Variants in ATP13A5 observed in about 807,000 individuals in gnomAD.
ATP13A5 encodes the protein ATPase 13A5, also known as probable cation-transporting ATPase 13A5.
Under a neutral mutation model 150.2 loss-of-function variants are expected in ATP13A5, and 149 were observed. The observed-to-expected ratio is 0.99, with a 90% CI of 0.87 to 1.14. The LOEUF (loss-of-function observed/expected upper bound fraction) is 1.14. Among genes scored for constraint, ATP13A5 ranks in the 50% most tolerant of loss-of-function variants. ATP13A5 has a pLI of 0.00. For missense variants in ATP13A5, 1,383 were observed against 1,449.3 expected (o/e 0.95, Z 0.74); for synonymous variants, 497 against 522.2 (o/e 0.95, Z 0.66).
chr3:193,344,515 C>T (rs1224558447), intron 8 of ATP13A5, among the ~76,000 whole-genome samples: 1 of 152,212 alleles, frequency 6.6e-6, no homozygotes, highest in Non-Finnish European at 1.5e-5. Context: ...TAGCTCAGAA[C>T]AGATGCCAAG....
intron 28 of ATP13A5, 42 bp downstream of exon 28, chr3:193,279,324 T>G (rs772368102): frequency 7.0e-7 from 1 of 1,430,580 alleles, no homozygotes; most frequent in Non-Finnish European, 9.9e-7. Context: ...ACATGGTCCA[T>G]GTACATGAGT....
chr3:193,373,873 G>A (rs1713539890), intron 1 of ATP13A5, among the ~76,000 whole-genome samples: 1 of 152,184 alleles, frequency 6.6e-6, no homozygotes, highest in Admixed American at 6.5e-5. Context: ...ATGCACCTTT[G>A]TCAGTTCTGT....
intron 23 of ATP13A5, among the ~76,000 whole-genome samples, chr3:193,302,596 G>C (rs1193738557): frequency 3.3e-5 from 5 of 152,154 alleles, no homozygotes; most frequent in Non-Finnish European, 7.4e-5. Flanking sequence ...ATTTATCTAC[G>C]CATTCTACAA....
chr3:193,295,465 T>G (rs1469795579), intron 25 of ATP13A5, among the ~76,000 whole-genome samples: 1 of 152,014 alleles, frequency 6.6e-6, no homozygotes, highest in Admixed American at 6.6e-5. Context: ...TCCCAAAGCA[T>G]CTGCTGTTTT....
chr3:193,359,185 T>C (rs998100797), intron 5 of ATP13A5, among the ~76,000 whole-genome samples: 1 of 152,188 alleles, frequency 6.6e-6, no homozygotes, highest in African/African-American at 2.4e-5. Flanking sequence ...GCAAAGCCCC[T>C]TTCCTCTCCT....
In ATP13A5 at chr3:193,364,235, G is replaced by A. The variant is rs2108580871; in HGVS notation, c.109C>T (p.Leu37Phe). 1.2e-6 allele frequency: 2 copies of A among 1,614,068 alleles called. No individual in the cohort carries two copies. Among genetic ancestry groups the A allele is most frequent in the East Asian group, 2.2e-5 (1 of 44,874 alleles). ...CCACAGGTCAGCACGGATGCGACAA[G>A]GCAGAAGGCTTTCCGTACATTGTGG... is the stretch of plus-strand genomic sequence containing the variant. ...RDHNVRKAFC[L>F]VASVLTCGGL... The change falls in exon 2 of 30, where the codon CTT becomes TTT. Residue 37 changes from leucine (L) to phenylalanine (F), a missense_variant. By Grantham distance (22) the Leu-to-Phe change is conservative. This residue lies in a region of ATP13A5 where 787 missense variants were observed against 771.9 expected (regional missense o/e 1.02). Coordinates refer to ENST00000342358, the MANE Select transcript of ATP13A5 (RefSeq NM_198505.4).
intron 2 of ATP13A5, 84 bp from the exon 3 acceptor site, chr3:193,363,466 A>G: frequency 7.6e-7 from 1 of 1,321,282 alleles, no homozygotes; most frequent in Non-Finnish European, 1.0e-6. Flanking sequence ...CAAGTGGTAC[A>G]AAACTTTGAC....
chr3:193,305,799 TGCTGTCCCTCCACCTGGA>T, intron 22 of ATP13A5, 131 bp from the exon 23 acceptor site: 1 of 705,984 alleles, frequency 1.4e-6, no homozygotes, highest in Non-Finnish European at 2.4e-6. Context: ...CTCTGTTTAA[TGCTGTCCCTCCACCTGGA>T]GTGCCCTCTC....
intron 1 of ATP13A5, among the ~76,000 whole-genome samples, chr3:193,376,468 T>A (rs1577379957): frequency 1.3e-5 from 2 of 152,288 alleles, no homozygotes; most frequent in East Asian, 3.9e-4. Context: ...CACCTTAGCC[T>A]CCCAAAGTGC....
intron 1 of ATP13A5, chr3:193,372,312 A>AAAAGC (rs57458521): frequency 1.4e-5 from 1 of 73,166 alleles, no homozygotes; most frequent in South Asian, 6.0e-4. Flanking sequence ...AAAAAAAAAA[A>AAAAGC]GGGGGAAGTT....
intron 17 of ATP13A5, among the ~76,000 whole-genome samples, chr3:193,318,732 C>A (rs543032244): frequency 4.3e-4 from 66 of 152,252 alleles, no homozygotes; most frequent in Admixed American, 1.1e-3. Context: ...TAGTGCCAAG[C>A]AGAGATAACA....
At chr3:193,362,282 C>A (rs1231149163) in intron 5 of ATP13A5, 99 bp downstream of exon 5, 10 of 1,058,390 alleles carry the variant, frequency 9.4e-6, no homozygotes, top group Non-Finnish European at 1.3e-5. Flanking sequence ...CTATAACAAG[C>A]TGATGAAGCA....
chr3:193,364,033 A>T, intron 2 of ATP13A5, 74 bp downstream of exon 2: 1 of 1,455,608 alleles, frequency 6.9e-7, no homozygotes, highest in Non-Finnish European at 9.5e-7. Flanking sequence ...AATACCAGCC[A>T]CAGAGTTATG....
chr3:193,332,572 G>A (rs2108873537), intron 11 of ATP13A5, among the ~76,000 whole-genome samples: 1 of 152,220 alleles, frequency 6.6e-6, no homozygotes, highest in East Asian at 1.9e-4. Context: ...TTTAAGTATT[G>A]GAAACATGGG....
At chr3:193,347,142 A>G (rs1476137423) in intron 7 of ATP13A5, among the ~76,000 whole-genome samples, 2 of 152,230 alleles carry the variant, frequency 1.3e-5, no homozygotes, top group African/African-American at 2.4e-5. Flanking sequence ...TCAGAGATGT[A>G]TTTAAAACCT....
At position 193,345,201 on chromosome 3, in the gene ATP13A5, CT is replaced by C. The variant is rs1712289895; in HGVS notation, c.742-127del. 1.6e-5 allele frequency: 13 copies of C among 827,420 alleles called. 2 individuals carry two copies. The highest frequency in any genetic ancestry group is 2.9e-4 in the Middle Eastern group (1 of 3,428). 51.3% of individuals were successfully genotyped at this position (827,420 alleles called of 1,614,324 possible). A position where few individuals can be genotyped will look rare whatever the true frequency, so the allele number is the denominator to read the frequency against. ...TGACTCTGGGCAAAGGACTCAACTT[CT>C]TTTGATGCTTCAGCTTCCTTGCTCC... On this transcript the variant is annotated intron_variant, in intron 7 of 29. Transcript: ENST00000342358.
At chr3:193,377,206 C>T (rs1560157318) in intron 1 of ATP13A5, among the ~76,000 whole-genome samples, 1 of 152,212 alleles carries the variant, frequency 6.6e-6, no homozygotes, top group Non-Finnish European at 1.5e-5. Flanking sequence ...TCAGAGCTAA[C>T]AGAATTGTTC....
At chr3:193,302,313 C>A (rs145812592) in intron 23 of ATP13A5, among the ~76,000 whole-genome samples, 11 of 152,266 alleles carry the variant, frequency 7.2e-5, no homozygotes, top group Admixed American at 6.5e-4. Flanking sequence ...ATATTTTCTA[C>A]CAAGCTGTGA....
At chr3:193,282,007 A>G (rs1021518390) in intron 27 of ATP13A5, among the ~76,000 whole-genome samples, 13 of 152,066 alleles carry the variant, frequency 8.5e-5, no homozygotes, top group Admixed American at 4.6e-4. Context: ...CAGCCTGGCC[A>G]AGATGGTGAA....
Sources: gnomAD v4.1 joint callset for allele counts (sites outside exome capture counted in the v4.1 genomes callset) on GRCh38, gnomAD v4.1.1 for gene constraint, gnomAD v4.1.1 regional missense constraint, MANE v1.5 for transcripts, NCBI Gene and HGNC (gene_info 2026-07-23, HGNC 2026-07-21) for gene names.